The following CA5A variants were observed in gnomAD, a reference collection of about 807,000 sequenced individuals.
CA5A encodes the protein carbonic anhydrase 5A, also known as carbonic anhydrase 5A, mitochondrial.
A neutral mutation model predicts 37.1 loss-of-function variants in CA5A; 28 were observed. That is an observed-to-expected ratio of 0.75 (90% confidence interval 0.56 to 1.03). CA5A has a LOEUF of 1.03. Among genes scored for constraint, CA5A ranks in the 50% least tolerant of loss-of-function variants. CA5A has a pLI of 0.00. For missense variants in CA5A, 444 were observed against 399.9 expected (o/e 1.11, Z -0.94); for synonymous variants, 171 against 158.4 (o/e 1.08, Z -0.60).
chr16:87,914,271 A>G (rs994871692), intron 2 of CA5A, among the ~76,000 whole-genome samples: 5 of 152,168 alleles, frequency 3.3e-5, no homozygotes, highest in African/African-American at 7.2e-5. Flanking sequence ...TTACCGCCTG[A>G]TGGGGTTGCT....
rs951436962 is a variant in CA5A at position 87,882,267 on chromosome 16, G to C, written c.*17-328C>G. ...CTTCCTCTGGCTGCTGCTTCCATCA[G>C]CGTGAACTGCCCGGCATTGTAGGAT... On this transcript the variant is annotated intron_variant, in intron 4 of 4. Coordinates refer to the CA5A transcript ENST00000648177. The C allele has an allele frequency of 5.3e-4, 80 of 152,366 alleles. 1 individual carries two copies. Among genetic ancestry groups the C allele is most frequent in the African/African-American group, 1.9e-3 (79 of 41,578 alleles). The allele number at this position is 152,366 out of a possible 1,614,324, so 9.4% of individuals were successfully genotyped here. A position where few individuals can be genotyped will look rare whatever the true frequency, so the allele number is the denominator to read the frequency against.
intron 2 of CA5A, among the ~76,000 whole-genome samples, chr16:87,917,029 C>T (rs1404822423): frequency 2.0e-5 from 3 of 148,876 alleles, no homozygotes; most frequent in South Asian, 2.1e-4. Context: ...GGTGTGAACC[C>T]GGGAGGCGGA....
At chr16:87,885,964 C>T (rs1411484358), downstream of CA5A, 1 of 152,082 alleles carries the variant, frequency 6.6e-6, no homozygotes, top group Non-Finnish European at 1.5e-5. Context: ...TCCCCAGAGT[C>T]TAGAATAGAG....
chr16:87,926,605 C>T (rs185882404), intron 2 of CA5A, 143 bp downstream of exon 2: 2 of 663,166 alleles, frequency 3.0e-6, no homozygotes, highest in Admixed American at 5.5e-5. Flanking sequence ...TGTGTCCTCC[C>T]TCAAGCGAGT....
In CA5A at chr16:87,911,249, C is replaced by T. The variant is rs2056047683; in HGVS notation, c.341-6345G>A. On this transcript the variant is annotated intron_variant, in intron 2 of 6. Coordinates refer to ENST00000649794, the MANE Select transcript of CA5A (RefSeq NM_001739.2). This position sits in a 1 kb window ranked among gnomAD's most constrained non-coding sequence, Gnocchi z 4.6. The stretch of plus-strand genomic sequence containing the variant: ...CCTCAGCGTTCTGTGTAAGCAGGTG[C>T]GTCAGAACCGGCTCATGGAGATATA... Among the ~76,000 whole-genome samples the T allele has an allele frequency of 1.3e-5, 2 of 152,068 alleles. No homozygotes were observed. Among genetic ancestry groups the T allele is most frequent in the South Asian group, 2.1e-4 (1 of 4,822 alleles).
At chr16:87,914,743 G>A (rs1414666991) in intron 2 of CA5A, among the ~76,000 whole-genome samples, 2 of 152,310 alleles carry the variant, frequency 1.3e-5, no homozygotes, top group African/African-American at 2.4e-5. Context: ...CAGTCCACAA[G>A]GTGGTCAGGA....
intron 3 of CA5A, 109 bp downstream of exon 3, chr16:87,904,677 C>T (rs1055268822): frequency 2.9e-5 from 20 of 686,954 alleles, no homozygotes; most frequent in Middle Eastern, 3.1e-4. Flanking sequence ...TCCCAGGCCC[C>T]AGGAAATCCT....
At chr16:87,925,290 G>A (rs778802414) in intron 2 of CA5A, among the ~76,000 whole-genome samples, 17 of 152,168 alleles carry the variant, frequency 1.1e-4, no homozygotes, top group Non-Finnish European at 2.1e-4. Flanking sequence ...GACGCAGAGC[G>A]AGATCAGCCA....
chr16:87,888,490 C>A (rs1384364243), intron 6 of CA5A, among the ~76,000 whole-genome samples: 1 of 152,130 alleles, frequency 6.6e-6, no homozygotes, highest in African/African-American at 2.4e-5. Context: ...TGGGGGGAAG[C>A]TGGTCGCCAT....
chr16:87,925,745 C>A (rs2056296910), intron 2 of CA5A: 1 of 152,236 alleles, frequency 6.6e-6, no homozygotes, highest in African/African-American at 2.4e-5. Context: ...AAGCCCTTGG[C>A]CAAGCGCTGG....
intron 5 of CA5A, among the ~76,000 whole-genome samples, chr16:87,900,643 G>A (rs945427840): frequency 7.2e-5 from 11 of 152,202 alleles, no homozygotes; most frequent in Admixed American, 6.5e-4. Flanking sequence ...GGAGAAAGGC[G>A]ACACTGTTGT....
chr16:87,900,338 G>A (rs926750749), intron 5 of CA5A, among the ~76,000 whole-genome samples: 3 of 152,176 alleles, frequency 2.0e-5, no homozygotes, highest in Admixed American at 2.0e-4. Context: ...GCAGGCAGAT[G>A]GGGCGGCAGG....
At chr16:87,919,220 G>C (rs1272473157) in intron 2 of CA5A, among the ~76,000 whole-genome samples, 1 of 152,348 alleles carries the variant, frequency 6.6e-6, no homozygotes, top group South Asian at 2.1e-4. Context: ...AGTCAGGGAG[G>C]GGCCGAGGTC....
intron 5 of CA5A, among the ~76,000 whole-genome samples, chr16:87,901,479 C>T (rs2055876712): frequency 6.6e-6 from 1 of 152,244 alleles, no homozygotes; most frequent in Non-Finnish European, 1.5e-5. Flanking sequence ...GAACTGGAAC[C>T]ACAGCCCCTT....
chr16:87,932,212 C>T (rs1482310383), intron 1 of CA5A, among the ~76,000 whole-genome samples: 1 of 152,190 alleles, frequency 6.6e-6, no homozygotes. Context: ...CGGCCGCTGC[C>T]TCCAGTCCTA....
intron 2 of CA5A, among the ~76,000 whole-genome samples, chr16:87,905,258 T>C (rs2055943117): frequency 6.6e-6 from 1 of 151,194 alleles, no homozygotes; most frequent in Non-Finnish European, 1.5e-5. Context: ...AGACTTTAAT[T>C]AAAAAAAAAG....
chr16:87,897,635 G>C (rs1299257817), intron 5 of CA5A, among the ~76,000 whole-genome samples: 1 of 152,244 alleles, frequency 6.6e-6, no homozygotes, highest in Non-Finnish European at 1.5e-5. Flanking sequence ...AGGGGCTGGA[G>C]CTCAGCCTGG....
Position 87,936,397 on chromosome 16 carries a change from C to T in CA5A, c.54G>A (p.Gln18=), listed in dbSNP as rs2056471833. The T allele has an allele frequency of 6.2e-7, 1 of 1,614,116 alleles. No homozygotes were observed. The highest frequency in any genetic ancestry group is 8.5e-7 in the Non-Finnish European group (1 of 1,179,988). Reference sequence around the variant, plus strand: ...AACGACTCCAGAGAGGGGCCCACATCTGCTCAACCAAGAAGGAGAAAGCTG... The same window carrying T: ...AACGACTCCAGAGAGGGGCCCACATTTGCTCAACCAAGAAGGAGAAAGCTG... ...KTSAFSFLVE[Q]MWAPLWSRSM... Residue 18 remains glutamine, a synonymous_variant, in exon 1 of 7, where the codon CAG becomes CAA. Coordinates refer to ENST00000649794, the MANE Select transcript of CA5A (RefSeq NM_001739.2).
chr16:87,902,632 C>T (rs1262471304), intron 3 of CA5A, 112 bp from the exon 4 acceptor site: 41 of 673,428 alleles, frequency 6.1e-5, no homozygotes, highest in East Asian at 3.8e-4. Context: ...AATGGCCAGG[C>T]GCGGTGGCTC....
Sources: gnomAD v4.1 joint callset for allele counts (sites outside exome capture counted in the v4.1 genomes callset) on GRCh38, gnomAD v4.1.1 for gene constraint, Gnocchi (gnomAD v3.1) non-coding constraint, MANE v1.5 for transcripts, NCBI Gene and HGNC (gene_info 2026-07-23, HGNC 2026-07-21) for gene names.